The following SPECC1L variants were observed in gnomAD, a reference collection of about 807,000 sequenced individuals.
The protein encoded by SPECC1L is cytospin-A.
SPECC1L carries 40 observed loss-of-function variants against 116.8 expected under a neutral mutation model. The observed-to-expected ratio is 0.34, with a 90% CI of 0.27 to 0.45. The LOEUF (loss-of-function observed/expected upper bound fraction) is 0.45. SPECC1L is among the 20% of genes least tolerant of loss of function. SPECC1L has a pLI of 1.00. For missense variants in SPECC1L, 1,110 were observed against 1,373.6 expected (o/e 0.81, Z 3.03); for synonymous variants, 504 against 500.6 (o/e 1.01, Z -0.09).
intron 13 of SPECC1L, among the ~76,000 whole-genome samples, chr22:24,367,225 A>C (rs2041787638): frequency 6.6e-6 from 1 of 152,062 alleles, no homozygotes; most frequent in Non-Finnish European, 1.5e-5. Context: ...AGCCGTGACA[A>C]GTTTTTGTTT....
chr22:24,353,793 G>A (rs1365152545), intron 11 of SPECC1L, among the ~76,000 whole-genome samples: 2 of 152,198 alleles, frequency 1.3e-5, no homozygotes, highest in African/African-American at 4.8e-5. Flanking sequence ...AGATTGATGT[G>A]TCTTGTTACT....
chr22:24,364,406 TA>T (rs2041709512), intron 12 of SPECC1L, among the ~76,000 whole-genome samples: 1 of 152,176 alleles, frequency 6.6e-6, no homozygotes, highest in South Asian at 2.1e-4. Context: ...CTCATGCCTG[TA>T]ATCCCAGCAC....
At chr22:24,287,599 C>T (rs2049066105) in intron 2 of SPECC1L, among the ~76,000 whole-genome samples, 1 of 152,132 alleles carries the variant, frequency 6.6e-6, no homozygotes, top group African/African-American at 2.4e-5. Flanking sequence ...CCCCTATAGT[C>T]CCAGGGTATA....
At chr22:24,280,825 T>C (rs1601487110) in intron 2 of SPECC1L, among the ~76,000 whole-genome samples, 1 of 152,076 alleles carries the variant, frequency 6.6e-6, no homozygotes, top group Admixed American at 6.6e-5. Context: ...GGGCTCACGC[T>C]CTCCACCCTA....
intron 16 of SPECC1L, among the ~76,000 whole-genome samples, chr22:24,413,312 G>A (rs1256271810): frequency 6.6e-6 from 1 of 152,152 alleles, no homozygotes; most frequent in Non-Finnish European, 1.5e-5. Flanking sequence ...AGAAAACATA[G>A]CGTCCAAATC....
chr22:24,358,674 A>C (rs763540788), intron 11 of SPECC1L, among the ~76,000 whole-genome samples: 8 of 152,074 alleles, frequency 5.3e-5, no homozygotes, highest in East Asian at 1.9e-4. Context: ...TCACTTTCCA[A>C]CTGCTATGGT....
intron 3 of SPECC1L, among the ~76,000 whole-genome samples, chr22:24,307,451 T>C (rs1451661356): frequency 6.6e-6 from 1 of 152,172 alleles, no homozygotes; most frequent in Non-Finnish European, 1.5e-5. Context: ...CACTCTGCCT[T>C]GCTTTCGCTC....
intron 4 of SPECC1L, among the ~76,000 whole-genome samples, chr22:24,316,771 C>T (rs1316604930): frequency 1.3e-5 from 2 of 149,772 alleles, no homozygotes; most frequent in Non-Finnish European, 3.0e-5. Flanking sequence ...GTCATCATGG[C>T]CCATTCTCAA....
chr22:24,366,533 T>C (rs2041770113), intron 13 of SPECC1L, among the ~76,000 whole-genome samples: 1 of 152,100 alleles, frequency 6.6e-6, no homozygotes, highest in African/African-American at 2.4e-5. Flanking sequence ...TTTGATGTAG[T>C]AGAAGCTATA....
chr22:24,354,371 C>T (rs181987165), intron 11 of SPECC1L, among the ~76,000 whole-genome samples: 4 of 152,274 alleles, frequency 2.6e-5, no homozygotes, highest in African/African-American at 9.6e-5. Flanking sequence ...TTCCTTATTC[C>T]ATCTGTAAGG....
intron 13 of SPECC1L, among the ~76,000 whole-genome samples, chr22:24,368,873 C>G (rs1358829520): frequency 6.6e-6 from 1 of 152,212 alleles, no homozygotes; most frequent in African/African-American, 2.4e-5. Flanking sequence ...TCTCAAACTC[C>G]TGACTTCAGG....
At chr22:24,293,004 G>A (rs983011075) in intron 2 of SPECC1L, among the ~76,000 whole-genome samples, 2 of 152,226 alleles carry the variant, frequency 1.3e-5, no homozygotes, top group African/African-American at 4.8e-5. Context: ...ATGGTGGTGT[G>A]CTCCTGTAAT....
intron 7 of SPECC1L, among the ~76,000 whole-genome samples, chr22:24,329,921 GA>G (rs2040905510): frequency 6.6e-6 from 1 of 151,894 alleles, no homozygotes; most frequent in Non-Finnish European, 1.5e-5. Flanking sequence ...ATAAATTCTG[GA>G]TGATGTTTAT....
In SPECC1L at chr22:24,322,588, A is replaced by C. The variant is rs199757603; in HGVS notation, c.1608A>C (p.Ala536=). Residue 536 remains alanine, a synonymous_variant, in exon 5 of 17, where the codon GCA becomes GCC. Coordinates refer to ENST00000314328, the MANE Select transcript of SPECC1L (RefSeq NM_015330.6). ...AGGAAGCTCAAGAAATGATAGGGGC[A>C]CTCAAAGAACGCAGTCACCATATGG... ...DNKEAQEMIG[A]LKERSHHMER... is the part of the protein sequence containing the mutation. The C allele has an allele frequency of 4.3e-6, 7 of 1,614,220 alleles. No individual in the cohort carries two copies. Among genetic ancestry groups the C allele is most frequent in the Middle Eastern group, 1.6e-4 (1 of 6,062 alleles).
chr22:24,338,066 T>A (rs2041098155), intron 9 of SPECC1L, among the ~76,000 whole-genome samples: 1 of 152,200 alleles, frequency 6.6e-6, no homozygotes. Flanking sequence ...CCTCTTGGGT[T>A]TTACTACTTG....
intron 11 of SPECC1L, among the ~76,000 whole-genome samples, chr22:24,356,800 GACTT>G (rs1028213737): frequency 1.3e-5 from 2 of 151,902 alleles, no homozygotes; most frequent in African/African-American, 4.8e-5. Context: ...CTCTCCTACT[GACTT>G]ATTATTTGTA....
intron 11 of SPECC1L, among the ~76,000 whole-genome samples, chr22:24,352,381 A>G (rs977554912): frequency 3.3e-5 from 5 of 152,234 alleles, no homozygotes; most frequent in Non-Finnish European, 7.3e-5. Flanking sequence ...GTGTGACCCT[A>G]TCACCGTGTC....
intron 9 of SPECC1L, among the ~76,000 whole-genome samples, chr22:24,337,561 C>T (rs183301382): frequency 4.9e-4 from 75 of 152,230 alleles, no homozygotes; most frequent in African/African-American, 1.7e-3. Flanking sequence ...CATTTTTAAA[C>T]GGTTAACTTT....
intron 4 of SPECC1L, among the ~76,000 whole-genome samples, chr22:24,317,540 A>C: frequency 1.8e-5 from 2 of 111,364 alleles, no homozygotes; most frequent in Non-Finnish European, 1.9e-5. Flanking sequence ...GGGGCTCCTC[A>C]CTTCCCAGTA....
Sources: gnomAD v4.1 joint callset for allele counts (sites outside exome capture counted in the v4.1 genomes callset) on GRCh38, gnomAD v4.1.1 for gene constraint, MANE v1.5 for transcripts, NCBI Gene and HGNC (gene_info 2026-07-23, HGNC 2026-07-21) for gene names.